The following UST variants were observed in gnomAD, a reference collection of about 807,000 sequenced individuals.
UST encodes uronyl 2-sulfotransferase.
Under a neutral mutation model 45.6 loss-of-function variants are expected in UST, and 21 were observed. That is an observed-to-expected ratio of 0.46 (90% CI 0.33 to 0.66). The LOEUF is 0.66. Ranked by LOEUF, UST falls within the 30% of genes least tolerant of loss-of-function variation. The pLI is 0.02. For missense variants in UST, 463 were observed against 512.4 expected (o/e 0.90, Z 0.93); for synonymous variants, 215 against 200.6 (o/e 1.07, Z -0.61).
intron 3 of UST, among the ~76,000 whole-genome samples, chr6:148,943,347 T>C (rs1166844874): frequency 1.3e-5 from 2 of 152,174 alleles, no homozygotes; most frequent in Admixed American, 1.3e-4. Flanking sequence ...GGATTAGACA[T>C]TGGGATGTTC....
chr6:148,819,117 G>T (rs1389971017), intron 1 of UST, among the ~76,000 whole-genome samples: 2 of 152,170 alleles, frequency 1.3e-5, no homozygotes, highest in East Asian at 3.8e-4. Flanking sequence ...AGCGAACTTT[G>T]CATCACAAAG....
chr6:148,921,767 G>C (rs1276649879), intron 2 of UST, among the ~76,000 whole-genome samples: 1 of 152,138 alleles, frequency 6.6e-6, no homozygotes, highest in East Asian at 1.9e-4. Flanking sequence ...TCAGCATCCA[G>C]TCGCAGTCAT....
chr6:148,992,673 C>A (rs749700794), intron 5 of UST, among the ~76,000 whole-genome samples: 1 of 151,954 alleles, frequency 6.6e-6, no homozygotes, highest in Non-Finnish European at 1.5e-5. Flanking sequence ...TTTAACCAAG[C>A]GTTTAAGGTA....
rs148047567 is a variant in UST at position 148,906,670 on chromosome 6, C to A, written c.291+19641C>A. Among the ~76,000 whole-genome samples, 34 of 124,626 alleles carry A rather than the reference C, an allele frequency of 2.7e-4. 1 individual carries two copies. The East Asian group carries it at 7.6e-3, about 28-fold the overall frequency. 81.8% of individuals were successfully genotyped at this position (124,626 alleles called of 152,430 possible). A position where few individuals can be genotyped will look rare whatever the true frequency, so the allele number is the denominator to read the frequency against. ...CTGAAGCTTAGTGAACCTACATTCACTTGAAGACTCTGCCTCTTACTAACT... is the reference window on the plus strand; with the variant it reads ...CTGAAGCTTAGTGAACCTACATTCAATTGAAGACTCTGCCTCTTACTAACT... On this transcript the variant is annotated intron_variant, in intron 2 of 7. Transcript: ENST00000367463.
At chr6:148,939,299 TC>T (rs763757625) in intron 2 of UST, among the ~76,000 whole-genome samples, 139 of 152,266 alleles carry the variant, frequency 9.1e-4, no homozygotes, top group Middle Eastern at 3.4e-3. Context: ...TTCAATGCAG[TC>T]CTTATCATAA....
intron 1 of UST, among the ~76,000 whole-genome samples, chr6:148,862,075 CT>C (rs1026772994): frequency 6.7e-6 from 1 of 150,252 alleles, no homozygotes; most frequent in African/African-American, 2.5e-5. Flanking sequence ...TCTCATGGAT[CT>C]GTCTAATGTT....
chr6:148,809,591 G>T (rs1008304771), intron 1 of UST, among the ~76,000 whole-genome samples: 2 of 152,206 alleles, frequency 1.3e-5, no homozygotes, highest in Admixed American at 1.3e-4. Flanking sequence ...ACTGGGAAGG[G>T]TATTTGGAAA....
chr6:149,030,173 A>C (rs1222953429), intron 7 of UST, among the ~76,000 whole-genome samples: 2 of 152,166 alleles, frequency 1.3e-5, no homozygotes, highest in Non-Finnish European at 2.9e-5. Flanking sequence ...ACTTGCTCAC[A>C]GTCTCGCCAA....
At chr6:149,029,866 TTGTGTGTGTGTGTGTG>T (rs3074362) in intron 7 of UST, among the ~76,000 whole-genome samples, 63 of 140,800 alleles carry the variant, frequency 4.5e-4, no homozygotes, top group Non-Finnish European at 5.1e-4. Context: ...GCACTGGATC[TTGTGTGTGTGTGTGTG>T]TGTGTGTGTG....
chr6:148,945,371 C>T (rs1780215654), intron 3 of UST, among the ~76,000 whole-genome samples: 1 of 152,180 alleles, frequency 6.6e-6, no homozygotes, highest in Non-Finnish European at 1.5e-5. Flanking sequence ...TGTTTATCTC[C>T]TCTAGCTGGA....
chr6:149,071,156 A>AT (rs558960007), intron 7 of UST, among the ~76,000 whole-genome samples: 2 of 151,850 alleles, frequency 1.3e-5, no homozygotes, highest in African/African-American at 2.4e-5. Flanking sequence ...TCATTTTTCA[A>AT]TTTTTTTTGT....
chr6:148,817,537 A>C lies in UST; in HGVS notation c.248-69449A>C, dbSNP rs559072146. On this transcript the variant is annotated intron_variant, in intron 1 of 7. Transcript: ENST00000367463. ...AGAAATACATTGGTTGGGTTCAGAA[A>C]GTCAGGACAACTGGAAGGGGTGGGG... Among the ~76,000 whole-genome samples, 26 of 152,320 alleles carry C rather than the reference A, an allele frequency of 1.7e-4. No individual in the cohort carries two copies. The South Asian group carries it at 4.3e-3, about 25-fold the overall frequency.
At position 149,074,661 on chromosome 6, in the gene UST, G is replaced by A. The variant is rs2115049065; in HGVS notation, c.*545G>A. ...GAGGTGGGAGGATCACTTGAGCCCA[G>A]GAGTTTGAGGTTGCAGTGAGCTGTG... On this transcript the variant is annotated 3_prime_UTR_variant, in exon 8 of 8. Coordinates refer to ENST00000367463, the MANE Select transcript of UST (RefSeq NM_005715.3). The A allele has an allele frequency of 6.4e-6, 1 of 156,648 alleles. No individual in the cohort carries two copies. The highest frequency in any genetic ancestry group is 1.9e-4 in the East Asian group (1 of 5,294). The allele number at this position is 156,648 out of a possible 1,614,324, so 9.7% of individuals were successfully genotyped here. A position where few individuals can be genotyped will look rare whatever the true frequency, so the allele number is the denominator to read the frequency against.
At chr6:148,908,762 G>A (rs1213968222) in intron 2 of UST, among the ~76,000 whole-genome samples, 1 of 152,090 alleles carries the variant, frequency 6.6e-6, no homozygotes, top group Admixed American at 6.6e-5. Flanking sequence ...TGAAAGATCT[G>A]TTTTCCCTTA....
At chr6:148,900,733 A>G (rs1779236992) in intron 2 of UST, among the ~76,000 whole-genome samples, 1 of 152,242 alleles carries the variant, frequency 6.6e-6, no homozygotes, top group Non-Finnish European at 1.5e-5. Context: ...CAGCAAGCTT[A>G]GTAGCTTAAA....
intron 7 of UST, among the ~76,000 whole-genome samples, chr6:149,049,923 TCTCTCTCTCACA>T (rs1202941342): frequency 0.022 from 2,263 of 102,922 alleles, 56 homozygotes; most frequent in African/African-American, 0.072. Flanking sequence ...TCTCTCTCTC[TCTCTCTCTCACA>T]CACACACACA....
intron 5 of UST, among the ~76,000 whole-genome samples, chr6:149,002,829 G>T (rs117485243): frequency 2.6e-5 from 4 of 152,028 alleles, no homozygotes; most frequent in Non-Finnish European, 4.4e-5. Context: ...TTAATATAAG[G>T]CAAAGGCATT....
Position 148,944,822 on chromosome 6 carries a change from T to G in UST, c.447+3388T>G, listed in dbSNP as rs192043285. Among the ~76,000 whole-genome samples, 62 of 152,316 alleles carry G rather than the reference T, an allele frequency of 4.1e-4. 1 individual carries two copies. The highest frequency in any genetic ancestry group is 7.2e-4 in the Non-Finnish European group (49 of 68,032). ...ATTGCATTTATGCCCTAAAACTAGATTTCAGGTCTTAAGCTGGCTTAAATT... is the reference window on the plus strand; with the variant it reads ...ATTGCATTTATGCCCTAAAACTAGAGTTCAGGTCTTAAGCTGGCTTAAATT... On this transcript the variant is annotated intron_variant, in intron 3 of 7. Coordinates refer to ENST00000367463, the MANE Select transcript of UST (RefSeq NM_005715.3).
chr6:149,040,604 G>A (rs903434082), intron 7 of UST, among the ~76,000 whole-genome samples: 10 of 152,242 alleles, frequency 6.6e-5, no homozygotes, highest in Middle Eastern at 3.4e-3. Flanking sequence ...GCAGTGAGTC[G>A]AGACCATGCC....
Sources: allele counts gnomAD v4.1 joint callset (sites outside exome capture counted in the v4.1 genomes callset), GRCh38; gene constraint gnomAD v4.1.1; transcripts MANE v1.5; gene names NCBI Gene and HGNC (gene_info 2026-07-23, HGNC 2026-07-21).